Variants in NAV2 observed in about 807,000 individuals in gnomAD.
NAV2 encodes helicase, APC down-regulated 1.
Under a neutral mutation model 223.2 loss-of-function variants are expected in NAV2, and 54 were observed. That is an observed-to-expected ratio of 0.24 (90% CI 0.19 to 0.30). The LOEUF (loss-of-function observed/expected upper bound fraction) is 0.30, where lower values mean the gene tolerates loss of function less well. NAV2 is among the 10% of genes least tolerant of loss of function. NAV2 has a pLI of 1.00. For missense variants in NAV2, 2,806 were observed against 3,147.5 expected (o/e 0.89, Z 2.60); for synonymous variants, 1,279 against 1,239.3 (o/e 1.03, Z -0.67).
chr11:19,776,796 T>C (rs1402526286), intron 1 of NAV2, among the ~76,000 whole-genome samples: 2 of 151,766 alleles, frequency 1.3e-5, no homozygotes, highest in African/African-American at 4.8e-5. Context: ...CGGATGGAGA[T>C]GAGTGCGCAT....
intron 1 of NAV2, among the ~76,000 whole-genome samples, chr11:19,827,224 A>T (rs560617895): frequency 6.6e-6 from 1 of 152,190 alleles, no homozygotes; most frequent in South Asian, 2.1e-4. Context: ...GTATCATTTC[A>T]TTTGGTCCTT....
intron 1 of NAV2, among the ~76,000 whole-genome samples, chr11:19,770,041 G>A (rs530213101): frequency 3.3e-5 from 5 of 151,732 alleles, no homozygotes; most frequent in East Asian, 1.9e-4. Flanking sequence ...CACAACCACC[G>A]AAAACAAAAC....
Position 19,933,226 on chromosome 11 carries a change from C to T in NAV2, c.982C>T (p.Pro328Ser), listed in dbSNP as rs200292193. 1.3e-4 allele frequency: 200 copies of T among 1,581,790 alleles called. No homozygotes were observed. The East Asian group carries it at 4.3e-3, about 34-fold the overall frequency. ...CCACCCCGGAATGAGTGACAATGCACCTGCTTCCTTGGAGAGCGGCAGCAG... is the reference window on the plus strand; with the variant it reads ...CCACCCCGGAATGAGTGACAATGCATCTGCTTCCTTGGAGAGCGGCAGCAG... ...SSHPGMSDNA[P>S]ASLESGSSST... is the part of the protein sequence containing the mutation. Residue 328 changes from proline (P) to serine (S), a missense_variant, in exon 7 of 38, where the codon CCT becomes TCT. This residue lies in a region of NAV2 where 1,167 missense variants were observed against 1,180.5 expected (regional missense o/e 0.99). Transcript: ENST00000349880. This position sits in a 1 kb window ranked among gnomAD's most constrained non-coding sequence, Gnocchi z 4.3.
intron 1 of NAV2, among the ~76,000 whole-genome samples, chr11:19,609,318 T>G (rs2046567418): frequency 6.6e-6 from 1 of 151,756 alleles, no homozygotes; most frequent in Non-Finnish European, 1.5e-5. Flanking sequence ...GAAACAAAAA[T>G]TGAAATTGAG....
intron 1 of NAV2, among the ~76,000 whole-genome samples, chr11:19,801,866 G>T (rs955730559): frequency 1.3e-5 from 2 of 152,168 alleles, no homozygotes; most frequent in African/African-American, 4.8e-5. Flanking sequence ...AGTGATAAGT[G>T]CATATAAAGC....
chr11:19,808,678 A>C (rs577308486), intron 1 of NAV2, among the ~76,000 whole-genome samples: 2 of 152,208 alleles, frequency 1.3e-5, no homozygotes, highest in Non-Finnish European at 2.9e-5. Context: ...AGTTGGTACA[A>C]TTATGTAGAA....
At chr11:19,777,558 T>C in intron 1 of NAV2, 1 of 455,128 alleles carries the variant, frequency 2.2e-6, no homozygotes, top group Middle Eastern at 3.3e-4. Context: ...GGCGCTGCTC[T>C]ACTTTTTAAC....
intron 1 of NAV2, chr11:19,760,003 C>T (rs533992644): frequency 9.7e-5 from 15 of 154,236 alleles, no homozygotes; most frequent in Admixed American, 6.5e-4. Flanking sequence ...TTGTAAATTT[C>T]CAAATACATA....
intron 1 of NAV2, among the ~76,000 whole-genome samples, chr11:19,639,206 G>T (rs1205256409): frequency 6.6e-6 from 1 of 152,076 alleles, no homozygotes; most frequent in Admixed American, 6.5e-5. Context: ...AAAGAATCTG[G>T]CTTATATTTG....
intron 1 of NAV2, among the ~76,000 whole-genome samples, chr11:19,494,331 C>T (rs902478282): frequency 2.0e-5 from 3 of 152,184 alleles, no homozygotes; most frequent in Admixed American, 6.5e-5. Flanking sequence ...CAAGTGACAA[C>T]ACTTTGGCCC....
At chr11:19,719,632 C>T (rs1198643911) in intron 1 of NAV2, among the ~76,000 whole-genome samples, 1 of 152,210 alleles carries the variant, frequency 6.6e-6, no homozygotes, top group Non-Finnish European at 1.5e-5. Context: ...ATGTCTGCCT[C>T]ATTCCAAGCT....
chr11:19,692,097 G>A (rs752432808), intron 1 of NAV2, among the ~76,000 whole-genome samples: 3 of 152,210 alleles, frequency 2.0e-5, no homozygotes, highest in Non-Finnish European at 4.4e-5. Context: ...TGTGATTTCA[G>A]GGGCGGCTCT....
chr11:19,446,218 C>T (rs1420080842), intron 1 of NAV2, among the ~76,000 whole-genome samples: 3 of 152,150 alleles, frequency 2.0e-5, no homozygotes, highest in South Asian at 2.1e-4. Context: ...CAAGTAGCCT[C>T]GTTTGAAGCA....
At chr11:19,528,315 G>A (rs979386439) in intron 1 of NAV2, among the ~76,000 whole-genome samples, 4 of 152,174 alleles carry the variant, frequency 2.6e-5, no homozygotes, top group Admixed American at 2.0e-4. Flanking sequence ...TGACCTTCTG[G>A]TCTTTGCCTT....
intron 1 of NAV2, among the ~76,000 whole-genome samples, chr11:19,685,360 T>C (rs2048993952): frequency 6.6e-6 from 1 of 151,926 alleles, no homozygotes; most frequent in Admixed American, 6.6e-5. Context: ...ACCCCAGCAG[T>C]AGGGGTGGGG....
At chr11:19,399,612 G>A (rs1398302917) in intron 1 of NAV2, among the ~76,000 whole-genome samples, 1 of 152,198 alleles carries the variant, frequency 6.6e-6, no homozygotes, top group African/African-American at 2.4e-5. Context: ...GTACTGCAGG[G>A]TTAAGATGGC....
At chr11:19,830,670 A>G (rs898619833) in intron 1 of NAV2, among the ~76,000 whole-genome samples, 4 of 152,332 alleles carry the variant, frequency 2.6e-5, no homozygotes, top group Admixed American at 2.6e-4. Context: ...TACGTCATTA[A>G]ACAAAACATA....
chr11:19,803,712 T>C (rs2058394824), intron 1 of NAV2, among the ~76,000 whole-genome samples: 1 of 152,254 alleles, frequency 6.6e-6, no homozygotes, highest in South Asian at 2.1e-4. Context: ...TAGAGGATAA[T>C]GTATAGTCCA....
intron 1 of NAV2, among the ~76,000 whole-genome samples, chr11:19,556,584 G>C (rs2044900416): frequency 6.6e-6 from 1 of 152,074 alleles, no homozygotes; most frequent in South Asian, 2.1e-4. Context: ...GAATTTCAAA[G>C]AAAACCAATA....
Sources: allele counts gnomAD v4.1 joint callset (sites outside exome capture counted in the v4.1 genomes callset), GRCh38; gene constraint gnomAD v4.1.1; regional missense constraint gnomAD v4.1.1; non-coding constraint Gnocchi (gnomAD v3.1); transcripts MANE v1.5; gene names NCBI Gene and HGNC (gene_info 2026-07-23, HGNC 2026-07-21).